The following PLAA variants were observed in gnomAD, a reference collection of about 807,000 sequenced individuals.
PLAA encodes the protein phospholipase A2 activating protein.
Under a neutral mutation model 84.1 loss-of-function variants are expected in PLAA, and 48 were observed. The ratio of observed to expected loss-of-function variants is 0.57; its 90% CI spans 0.45 to 0.73. The LOEUF is 0.73. Ranked by LOEUF, PLAA falls within the 30% of genes least tolerant of loss-of-function variation. The pLI is 0.00. For synonymous variants in PLAA, 392 were observed against 336.6 expected (o/e 1.16, Z -1.80); for missense variants, 903 against 954.7 (o/e 0.95, Z 0.71).
intron 6 of PLAA, 84 bp downstream of exon 6, chr9:26,925,741 T>A: frequency 8.2e-7 from 1 of 1,226,276 alleles, no homozygotes; most frequent in Non-Finnish European, 1.2e-6. Context: ...CACGTGAAAT[T>A]CCTTATGGCT....
chr9:26,928,069 A>G (rs569398543), intron 4 of PLAA, 31 bp downstream of exon 4: 7 of 1,574,226 alleles, frequency 4.4e-6, no homozygotes, highest in Non-Finnish European at 6.0e-6. Context: ...AAAAGCAATG[A>G]TATTATAAAA....
intron 10 of PLAA, among the ~76,000 whole-genome samples, chr9:26,915,471 A>G (rs989797303): frequency 2.6e-5 from 4 of 152,246 alleles, no homozygotes; most frequent in Non-Finnish European, 5.9e-5. Flanking sequence ...TTTAAGTTGT[A>G]GCCAGATAGG....
chr9:26,923,024 G>A (rs1351477645), intron 7 of PLAA, among the ~76,000 whole-genome samples, 154 bp downstream of exon 7: 5 of 151,994 alleles, frequency 3.3e-5, no homozygotes, highest in South Asian at 4.2e-4. Context: ...GCAAGAACAT[G>A]GTTTCTCATA....
intron 7 of PLAA, among the ~76,000 whole-genome samples, 170 bp from the exon 8 acceptor site, chr9:26,920,554 C>T (rs1824728083): frequency 6.6e-6 from 1 of 151,952 alleles, no homozygotes. Context: ...AAGAAAATAA[C>T]AGTTAAAAGG....
intron 13 of PLAA, chr9:26,907,569 CAAAGA>C (rs568717926): frequency 7.2e-4 from 258 of 360,292 alleles, no homozygotes; most frequent in Non-Finnish European, 1.1e-3. Flanking sequence ...AACAAAAAAA[CAAAGA>C]AAACAAACAA....
intron 1 of PLAA, among the ~76,000 whole-genome samples, chr9:26,943,242 A>G (rs1396933819): frequency 1.3e-5 from 2 of 152,174 alleles, no homozygotes; most frequent in African/African-American, 4.8e-5. Flanking sequence ...ATGCCCAACC[A>G]ACAGATATGT....
chr9:26,915,159 C>T (rs1824510377), intron 10 of PLAA, among the ~76,000 whole-genome samples: 1 of 151,576 alleles, frequency 6.6e-6, no homozygotes, highest in African/African-American at 2.4e-5. Context: ...TTGTGGTGAG[C>T]TGAGATCGCA....
At chr9:26,942,932 G>A (rs1324869436) in intron 1 of PLAA, among the ~76,000 whole-genome samples, 4 of 149,552 alleles carry the variant, frequency 2.7e-5, no homozygotes, top group Non-Finnish European at 1.5e-5. Context: ...GATGGGGTGA[G>A]TGGAAGGCAG....
At chr9:26,932,641 T>C (rs1825223380) in intron 2 of PLAA, among the ~76,000 whole-genome samples, 1 of 152,146 alleles carries the variant, frequency 6.6e-6, no homozygotes, top group African/African-American at 2.4e-5. Flanking sequence ...TAATGAAGGA[T>C]GTATTTATAA....
chr9:26,910,567 A>G, intron 11 of PLAA, 128 bp from the exon 12 acceptor site: 2 of 492,586 alleles, frequency 4.1e-6, no homozygotes. Context: ...TAAACAAGGA[A>G]CCTCAAGGGG....
At chr9:26,923,444 G>A (rs779320914) in intron 6 of PLAA, 97 bp from the exon 7 acceptor site, 42 of 907,818 alleles carry the variant, frequency 4.6e-5, no homozygotes, top group African/African-American at 8.3e-5. Flanking sequence ...CTGTGTTTGT[G>A]AATATGAGAA....
chr9:26,919,551 G>A (rs750360408), intron 8 of PLAA, 22 bp from the exon 9 acceptor site: 2 of 1,247,818 alleles, frequency 1.6e-6, no homozygotes, highest in African/African-American at 1.5e-5. Context: ...ATATAAAAAG[G>A]AGATACATGC....
chr9:26,942,440 G>T (rs922224765), intron 1 of PLAA, among the ~76,000 whole-genome samples: 12 of 152,142 alleles, frequency 7.9e-5, no homozygotes, highest in African/African-American at 2.4e-4. Context: ...ATTCGGTAAC[G>T]AACAAAGACT....
chr9:26,912,031 T>C (rs374399839), intron 11 of PLAA, among the ~76,000 whole-genome samples: 2 of 152,242 alleles, frequency 1.3e-5, no homozygotes, highest in Admixed American at 6.5e-5. Flanking sequence ...CAAATATTAA[T>C]CAAATATCAT....
At chr9:26,932,036 G>A (rs1269392104) in intron 2 of PLAA, among the ~76,000 whole-genome samples, 1 of 152,162 alleles carries the variant, frequency 6.6e-6, no homozygotes, top group African/African-American at 2.4e-5. Context: ...ACAGTGAGCT[G>A]AAGATTGCAC....
At chr9:26,927,550 C>G (rs568076912) in intron 4 of PLAA, among the ~76,000 whole-genome samples, 1 of 152,134 alleles carries the variant, frequency 6.6e-6, no homozygotes, top group African/African-American at 2.4e-5. Context: ...CTTAAGTACC[C>G]TACAAATAAA....
At chr9:26,934,475 CTTTTTTTTTTTT>C (rs67138338) in intron 2 of PLAA, among the ~76,000 whole-genome samples, 3 of 93,344 alleles carry the variant, frequency 3.2e-5, no homozygotes, top group Non-Finnish European at 6.1e-5. Context: ...GAACACTTTA[CTTTTTTTTTTTT>C]TTTTTTTTTT....
Position 26,947,093 on chromosome 9 carries a change from G to C in PLAA, c.-48C>G, listed in dbSNP as rs369751976. On this transcript the variant is annotated 5_prime_UTR_variant, in exon 1 of 14. Transcript: ENST00000397292. ...GGTGCCCAGGCACTGTGCGAGACCA[G>C]TCCGCAGGGGCGACTCGGAGAGCGC... is the stretch of plus-strand genomic sequence containing the variant. 3 of 1,444,436 alleles carry C rather than the reference G, an allele frequency of 2.1e-6. No homozygotes were observed. The highest frequency in any genetic ancestry group is 2.7e-6 in the Non-Finnish European group (3 of 1,096,806). The allele number at this position is 1,444,436 out of a possible 1,614,324, so 89.5% of individuals were successfully genotyped here.
At chr9:26,946,523 A>AAAG (rs1337671802) in intron 1 of PLAA, among the ~76,000 whole-genome samples, 1 of 152,124 alleles carries the variant, frequency 6.6e-6, no homozygotes, top group East Asian at 1.9e-4. Flanking sequence ...AAAAAAAAAA[A>AAAG]AAAAGAGGAC....
Sources: allele counts gnomAD v4.1 joint callset (sites outside exome capture counted in the v4.1 genomes callset), GRCh38; gene constraint gnomAD v4.1.1; transcripts MANE v1.5; gene names NCBI Gene and HGNC (gene_info 2026-07-23, HGNC 2026-07-21).